The following SAMMSON variants were observed in gnomAD, a reference collection of about 807,000 sequenced individuals.
SAMMSON encodes the protein long intergenic non-protein coding RNA 1212.
chr3:70,158,061 T>C (rs533777045), intron 4 of SAMMSON, among the ~76,000 whole-genome samples: 10 of 152,268 alleles, frequency 6.6e-5, no homozygotes, highest in Admixed American at 5.9e-4. Context: ...ATATTTAGCA[T>C]ATCAGATAAT....
intron 3 of SAMMSON, among the ~76,000 whole-genome samples, chr3:70,064,450 C>T (rs2067201960): frequency 6.6e-6 from 1 of 152,096 alleles, no homozygotes. Flanking sequence ...TGCAATCCGA[C>T]CAAGTCTATA....
At chr3:70,314,049 C>T (rs1267754504) in intron 7 of SAMMSON, among the ~76,000 whole-genome samples, 4 of 152,172 alleles carry the variant, frequency 2.6e-5, no homozygotes, top group Non-Finnish European at 4.4e-5. Context: ...AAGGCTTCTT[C>T]ATCTCTCTCA....
intron 4 of SAMMSON, among the ~76,000 whole-genome samples, chr3:70,108,506 A>C (rs933814905): frequency 2.1e-5 from 3 of 140,398 alleles, no homozygotes; most frequent in African/African-American, 5.3e-5. Flanking sequence ...CTCACCTATT[A>C]TATTTTAAAG....
At chr3:70,220,239 T>G (rs968364833) in intron 4 of SAMMSON, among the ~76,000 whole-genome samples, 2 of 152,056 alleles carry the variant, frequency 1.3e-5, no homozygotes, top group Non-Finnish European at 2.9e-5. Context: ...AATAGTCTCA[T>G]GTATTATCAG....
intron 3 of SAMMSON, among the ~76,000 whole-genome samples, chr3:70,020,835 A>G (rs1206532098): frequency 6.6e-6 from 1 of 152,164 alleles, no homozygotes; most frequent in African/African-American, 2.4e-5. Flanking sequence ...CAACAACTGT[A>G]GGAAACATGC....
rs115212767 is a variant in SAMMSON at position 70,083,974 on chromosome 3, A to G, written n.507+12409A>G. Among the ~76,000 whole-genome samples the G allele has an allele frequency of 1.2e-3, 183 of 152,320 alleles. 1 individual carries two copies. Among genetic ancestry groups the G allele is most frequent in the African/African-American group, 4.2e-3 (174 of 41,580 alleles). ...GGAGATGAGTAGCACTTACATAGCT[A>G]TGATTCCTAGCATTAGCTGTTTTCA... On this transcript the variant is annotated intron_variant and non_coding_transcript_variant, in intron 4 of 9. Coordinates refer to ENST00000642114, the Ensembl canonical transcript of SAMMSON.
At chr3:70,434,368 A>G (rs1267537216) in intron 2 of SAMMSON, among the ~76,000 whole-genome samples, 1 of 152,180 alleles carries the variant, frequency 6.6e-6, no homozygotes, top group Non-Finnish European at 1.5e-5. Context: ...ATATCTAAGT[A>G]TTTAATTTTG....
At chr3:70,123,229 C>A (rs1422698599) in intron 4 of SAMMSON, among the ~76,000 whole-genome samples, 1 of 152,140 alleles carries the variant, frequency 6.6e-6, no homozygotes, top group Non-Finnish European at 1.5e-5. Flanking sequence ...CTTTGGTAAC[C>A]TCTATATTAG....
chr3:70,278,377 T>C (rs941970210), intron 6 of SAMMSON, among the ~76,000 whole-genome samples: 3 of 152,146 alleles, frequency 2.0e-5, no homozygotes, highest in African/African-American at 7.2e-5. Context: ...TGACTGAAGC[T>C]GATATGAACA....
At chr3:70,263,235 T>C (rs555346149) in intron 6 of SAMMSON, among the ~76,000 whole-genome samples, 1 of 152,334 alleles carries the variant, frequency 6.6e-6, no homozygotes, top group East Asian at 1.9e-4. Flanking sequence ...TCTTCAGTAA[T>C]TTTTACTGTA....
chr3:70,232,999 G>C (rs530227374), intron 4 of SAMMSON, among the ~76,000 whole-genome samples: 1 of 152,276 alleles, frequency 6.6e-6, no homozygotes, highest in Non-Finnish European at 1.5e-5. Context: ...GACCAGCCTG[G>C]TTATCATGGT....
chr3:70,338,250 A>G (rs551087979), intron 7 of SAMMSON, among the ~76,000 whole-genome samples: 99 of 152,100 alleles, frequency 6.5e-4, no homozygotes, highest in African/African-American at 2.0e-3. Context: ...AGATACAGAT[A>G]TCTTTATTCT....
chr3:70,016,389 G>C (rs2066985855), intron 3 of SAMMSON, among the ~76,000 whole-genome samples: 1 of 152,102 alleles, frequency 6.6e-6, no homozygotes, highest in Non-Finnish European at 1.5e-5. Context: ...AGATCCTTTT[G>C]AGAAGGATCT....
intron 4 of SAMMSON, chr3:70,204,849 A>G (rs1054174858): frequency 1.3e-5 from 2 of 152,116 alleles, no homozygotes; most frequent in East Asian, 1.9e-4. Context: ...GTGGATATGT[A>G]CAATGGCAAT....
At chr3:70,161,035 G>C (rs1455545393) in intron 4 of SAMMSON, among the ~76,000 whole-genome samples, 1 of 151,870 alleles carries the variant, frequency 6.6e-6, no homozygotes, top group Non-Finnish European at 1.5e-5. Context: ...CTGTGACCTT[G>C]CTGTACTTCT....
chr3:70,210,591 A>G (rs1341552719), intron 4 of SAMMSON, among the ~76,000 whole-genome samples: 1 of 152,146 alleles, frequency 6.6e-6, no homozygotes, highest in African/African-American at 2.4e-5. Context: ...CATAAGCTCA[A>G]AGTAGAAACA....
chr3:70,360,390 T>G (rs1017444710), intron 9 of SAMMSON, among the ~76,000 whole-genome samples: 11 of 152,204 alleles, frequency 7.2e-5, no homozygotes, highest in Non-Finnish European at 1.5e-4. Flanking sequence ...ACATTAATTC[T>G]TTTGCAGTAA....
chr3:70,285,999 T>G (rs1344204391), intron 6 of SAMMSON, among the ~76,000 whole-genome samples: 6 of 150,832 alleles, frequency 4.0e-5, no homozygotes, highest in Non-Finnish European at 7.4e-5. Context: ...TTTCTCCCAT[T>G]TTGTAGGTTG....
At chr3:70,194,594 TAAC>T (rs1701157275) in intron 4 of SAMMSON, among the ~76,000 whole-genome samples, 1 of 152,178 alleles carries the variant, frequency 6.6e-6, no homozygotes, top group African/African-American at 2.4e-5. Flanking sequence ...GGAACAAAGT[TAAC>T]AAACCGTGGA....
Sources: allele counts gnomAD v4.1 joint callset (sites outside exome capture counted in the v4.1 genomes callset), GRCh38; gene constraint gnomAD v4.1.1; transcripts MANE v1.5; gene names NCBI Gene and HGNC (gene_info 2026-07-23, HGNC 2026-07-21).